LTV1: variants seen among roughly 807,000 people sequenced by gnomAD.
LTV1 encodes protein LTV1 homolog.
LTV1 carries 39 observed loss-of-function variants against 59.9 expected under a neutral mutation model. That is an observed-to-expected ratio of 0.65 (90% CI 0.50 to 0.85). The LOEUF (loss-of-function observed/expected upper bound fraction) is 0.85, where lower values mean the gene tolerates loss of function less well. Among genes scored for constraint, LTV1 ranks in the 40% least tolerant of loss-of-function variants. LTV1 has a pLI of 0.00. For missense variants in LTV1, 493 were observed against 549.1 expected (o/e 0.90, Z 1.02); for synonymous variants, 171 against 189.5 (o/e 0.90, Z 0.80).
At chr6:143,848,287 A>C (rs1776926577) in intron 3 of LTV1, among the ~76,000 whole-genome samples, 1 of 152,244 alleles carries the variant, frequency 6.6e-6, no homozygotes, top group Admixed American at 6.5e-5. Flanking sequence ...TAAGTAATTA[A>C]TAATGTAATA....
chr6:143,847,926 A>G (rs1213884245), intron 3 of LTV1, among the ~76,000 whole-genome samples: 2 of 152,230 alleles, frequency 1.3e-5, no homozygotes, highest in African/African-American at 4.8e-5. Context: ...GAAACAGTGT[A>G]AGACAGTGTA....
At chr6:143,853,146 G>A (rs983956393) in intron 4 of LTV1, among the ~76,000 whole-genome samples, 5 of 152,164 alleles carry the variant, frequency 3.3e-5, no homozygotes, top group Non-Finnish European at 5.9e-5. Flanking sequence ...ATTTCTTTGA[G>A]CAGTGGTTTG....
At chr6:143,848,510 A>G (rs1346802670) in intron 3 of LTV1, among the ~76,000 whole-genome samples, 1 of 152,202 alleles carries the variant, frequency 6.6e-6, no homozygotes, top group Admixed American at 6.5e-5. Flanking sequence ...CTTCCAATTC[A>G]GAGAGCTTTC....
Position 143,857,978 on chromosome 6 carries a change from C to G in LTV1, c.766C>G (p.Leu256Val). The G allele has an allele frequency of 6.2e-7, 1 of 1,614,114 alleles. No homozygotes were observed. Among genetic ancestry groups the G allele is most frequent in the Non-Finnish European group, 8.5e-7 (1 of 1,180,010 alleles). The change falls in exon 6 of 11, where the codon CTG becomes GTG. Residue 256 changes from leucine (L) to valine (V), a missense_variant. Physicochemically the swap from Leu to Val is conservative, Grantham distance 32. Coordinates refer to ENST00000367576, the MANE Select transcript of LTV1 (RefSeq NM_032860.5). The surrounding 1 kb of genome is among the most constrained non-coding windows in gnomAD (Gnocchi z 5.2). ...CTCAGTCATGAGGAGAAATGAACAGCTGACCCTACATGATGAGAGGTTTGA... is the reference window on the plus strand; with the variant it reads ...CTCAGTCATGAGGAGAAATGAACAGGTGACCCTACATGATGAGAGGTTTGA... ...TSSVMRRNEQ[L>V]TLHDERFEKF...
intron 3 of LTV1, among the ~76,000 whole-genome samples, chr6:143,847,627 C>G (rs1239622820): frequency 6.6e-6 from 1 of 152,204 alleles, no homozygotes; most frequent in African/African-American, 2.4e-5. Flanking sequence ...TCCCAAAGTG[C>G]TGGGATTACA....
In LTV1 at chr6:143,857,606, C is replaced by A; in HGVS notation, c.540-146C>A. On this transcript the variant is annotated intron_variant, in intron 5 of 10. Transcript: ENST00000367576. The surrounding 1 kb of genome is among the most constrained non-coding windows in gnomAD (Gnocchi z 5.2). ...AATGTGAGATTCATTGCTTTTCCTA[C>A]CAAACCAGATTGATCAAACACCCTC... 9.0e-7 allele frequency: 1 copy of A among 1,106,752 alleles called. No individual in the cohort carries two copies. Among genetic ancestry groups the A allele is most frequent in the Non-Finnish European group, 1.3e-6 (1 of 758,558 alleles). The allele number at this position is 1,106,752 out of a possible 1,614,324, so 68.6% of individuals were successfully genotyped here.
At chr6:143,843,728 G>C (rs1387246536) in intron 1 of LTV1, among the ~76,000 whole-genome samples, 1 of 152,162 alleles carries the variant, frequency 6.6e-6, no homozygotes, top group Admixed American at 6.5e-5. Context: ...ATCCCTGGGA[G>C]CCTGCAGCCC....
chr6:143,851,379 G>A lies in LTV1; in HGVS notation c.397+1161G>A, dbSNP rs80086049. ...AAACAGGTAGGTATTTATTAAAATC[G>A]CAAAGTCAGAAAATACTGAAAGTAT... On this transcript the variant is annotated intron_variant, in intron 4 of 10. Coordinates refer to ENST00000367576, the MANE Select transcript of LTV1 (RefSeq NM_032860.5). Among the ~76,000 whole-genome samples the A allele has an allele frequency of 5.2e-3, 794 of 151,936 alleles. 20 individuals are homozygous for A. In the East Asian group the frequency reaches 0.094, roughly 18 times the overall value.
At position 143,857,496 on chromosome 6, in the gene LTV1, C is replaced by A; in HGVS notation, c.539+52C>A. On this transcript the variant is annotated intron_variant, in intron 5 of 10. Transcript: ENST00000367576. The surrounding 1 kb of genome is among the most constrained non-coding windows in gnomAD (Gnocchi z 5.2). ...GATGATGACCTAAGTGTTACTGCTT[C>A]AGTGGGATGGTAACCATAGAACGTT... 6.8e-7 allele frequency: 1 copy of A among 1,472,334 alleles called. No individual in the cohort carries two copies. Among genetic ancestry groups the A allele is most frequent in the African/African-American group, 1.4e-5 (1 of 72,138 alleles). 91.2% of individuals were successfully genotyped at this position (1,472,334 alleles called of 1,614,324 possible).
intron 3 of LTV1, among the ~76,000 whole-genome samples, chr6:143,849,286 G>A (rs1430961517): frequency 6.6e-6 from 1 of 152,128 alleles, no homozygotes; most frequent in Non-Finnish European, 1.5e-5. Context: ...ATAACCACCC[G>A]AGGATTTAAG....
Position 143,850,151 on chromosome 6 carries a change from T to C in LTV1, c.330T>C (p.Pro110=), listed in dbSNP as rs753665952. The C allele has an allele frequency of 1.4e-5, 23 of 1,613,608 alleles. No homozygotes were observed. In the East Asian group the frequency reaches 5.1e-4, roughly 36 times the overall value. ...LVIPSTGIKL[P]SSVFASEFEE... ...TCAAGAGCACTGGAATTAAGTTGCC[T>C]TCATCAGTGTTTGCTTCAGAGTTTG... is the stretch of plus-strand genomic sequence containing the variant. Residue 110 remains proline (P), a synonymous_variant, in exon 4 of 11, where the codon CCT becomes CCC. Coordinates refer to ENST00000367576, the MANE Select transcript of LTV1 (RefSeq NM_032860.5).
At position 143,857,424 on chromosome 6, in the gene LTV1, G is replaced by A. The variant is rs755816421; in HGVS notation, c.519G>A (p.Glu173=). 1 of 1,613,956 alleles carries A rather than the reference G, an allele frequency of 6.2e-7. No homozygotes were observed. The highest frequency in any genetic ancestry group is 8.5e-7 in the Non-Finnish European group (1 of 1,179,874). Residue 173 remains glutamate, a synonymous_variant, in exon 5 of 11, where the codon GAG becomes GAA. Coordinates refer to ENST00000367576, the MANE Select transcript of LTV1 (RefSeq NM_032860.5). This position sits in a 1 kb window ranked among gnomAD's most constrained non-coding sequence, Gnocchi z 5.2. ...FILQANKATG[E]EEGMDIQKSE... is the part of the protein sequence containing the mutation. ...TTCAGGCCAATAAGGCAACAGGAGA[G>A]GAAGAGGGAATGGATATACAGTATG... is the stretch of plus-strand genomic sequence containing the variant.
Position 143,857,506 on chromosome 6 carries a change from G to T in LTV1, c.539+62G>T, listed in dbSNP as rs922839112. ...TAAGTGTTACTGCTTCAGTGGGATGGTAACCATAGAACGTTACAGTTGGAA... is the reference window on the plus strand; with the variant it reads ...TAAGTGTTACTGCTTCAGTGGGATGTTAACCATAGAACGTTACAGTTGGAA... On this transcript the variant is annotated intron_variant, in intron 5 of 10. Transcript: ENST00000367576. The surrounding 1 kb of genome is among the most constrained non-coding windows in gnomAD (Gnocchi z 5.2). The T allele has an allele frequency of 2.0e-5, 29 of 1,441,682 alleles. No individual in the cohort carries two copies. Among genetic ancestry groups the T allele is most frequent in the Non-Finnish European group, 2.8e-5 (29 of 1,028,678 alleles). The allele number at this position is 1,441,682 out of a possible 1,614,324, so 89.3% of individuals were successfully genotyped here. A position where few individuals can be genotyped will look rare whatever the true frequency, so the allele number is the denominator to read the frequency against.
At position 143,860,595 on chromosome 6, in the gene LTV1, T is replaced by TA. The variant is rs754483352; in HGVS notation, c.923+48dup. The stretch of plus-strand genomic sequence containing the variant: ...TTCCTTGTTTAGCTGTTCTTTTTTT[T>TA]AAAAAAGAAAAAATTCCAAAGAAAG... On this transcript the variant is annotated intron_variant, in intron 7 of 10. Transcript: ENST00000367576. 1.3e-5 allele frequency: 20 copies of TA among 1,532,894 alleles called. No homozygotes were observed. In the East Asian group the frequency reaches 2.5e-4, roughly 19 times the overall value. The allele number at this position is 1,532,894 out of a possible 1,614,324, so 95.0% of individuals were successfully genotyped here. A position where few individuals can be genotyped will look rare whatever the true frequency, so the allele number is the denominator to read the frequency against.
In LTV1 at chr6:143,857,938, G is replaced by C. The variant is rs1219969801; in HGVS notation, c.726G>C (p.Glu242Asp). 1 of 1,613,992 alleles carries C rather than the reference G, an allele frequency of 6.2e-7. No individual in the cohort carries two copies. Among genetic ancestry groups the C allele is most frequent in the Non-Finnish European group, 8.5e-7 (1 of 1,180,022 alleles). The change falls in exon 6 of 11, where the codon GAG becomes GAC. Residue 242 changes from glutamate to aspartate, a missense_variant. Coordinates refer to ENST00000367576, the MANE Select transcript of LTV1 (RefSeq NM_032860.5). This position sits in a 1 kb window ranked among gnomAD's most constrained non-coding sequence, Gnocchi z 5.2. ...AGGAAACAAAGAGTCGCTTCACGGAGTATTCGATGACTTCCTCAGTCATGA... is the reference window on the plus strand; with the variant it reads ...AGGAAACAAAGAGTCGCTTCACGGACTATTCGATGACTTCCTCAGTCATGA... ...WSEETKSRFT[E>D]YSMTSSVMRR...
intron 1 of LTV1, among the ~76,000 whole-genome samples, chr6:143,844,221 A>AC (rs1315011943): frequency 6.6e-6 from 1 of 152,222 alleles, no homozygotes; most frequent in Non-Finnish European, 1.5e-5. Flanking sequence ...CTTGCTAAGA[A>AC]CAGGGACTTT....
intron 2 of LTV1, among the ~76,000 whole-genome samples, chr6:143,845,013 T>G (rs995652909): frequency 1.1e-4 from 17 of 152,212 alleles, no homozygotes; most frequent in African/African-American, 3.4e-4. Flanking sequence ...AAGCACCAGC[T>G]ACAATGCGGC....
chr6:143,860,597 A>T, intron 7 of LTV1, 44 bp downstream of exon 7: 2 of 1,539,844 alleles, frequency 1.3e-6, no homozygotes, highest in Non-Finnish European at 1.7e-6. Flanking sequence ...CTTTTTTTTA[A>T]AAAAGAAAAA....
At chr6:143,847,425 G>A (rs1293844979) in intron 3 of LTV1, among the ~76,000 whole-genome samples, 2 of 152,214 alleles carry the variant, frequency 1.3e-5, no homozygotes, top group African/African-American at 4.8e-5. Flanking sequence ...GCAGTGGCAC[G>A]ATCTCGGCTC....
Sources: gnomAD v4.1 joint callset for allele counts (sites outside exome capture counted in the v4.1 genomes callset) on GRCh38, gnomAD v4.1.1 for gene constraint, Gnocchi (gnomAD v3.1) non-coding constraint, MANE v1.5 for transcripts, NCBI Gene and HGNC (gene_info 2026-07-23, HGNC 2026-07-21) for gene names.